The following GPLD1 variants were observed in gnomAD, a reference collection of about 807,000 sequenced individuals.
GPLD1 encodes the protein phosphatidylinositol-glycan-specific phospholipase D.
A neutral mutation model predicts 112.6 loss-of-function variants in GPLD1; 84 were observed. The ratio of observed to expected loss-of-function variants is 0.75; its 90% CI spans 0.63 to 0.89. The LOEUF is 0.89. Ranked by LOEUF, GPLD1 falls within the 40% of genes least tolerant of loss-of-function variation. GPLD1 has a pLI of 0.00. For missense variants in GPLD1, 1,044 were observed against 1,051.5 expected (o/e 0.99, Z 0.10); for synonymous variants, 386 against 403.8 (o/e 0.96, Z 0.53).
At chr6:24,476,455 T>C (rs1764022824) in intron 3 of GPLD1, among the ~76,000 whole-genome samples, 177 bp from the exon 4 acceptor site, 1 of 152,112 alleles carries the variant, frequency 6.6e-6, no homozygotes. Context: ...AGCTGAGATT[T>C]TGGAATACGC....
downstream of GPLD1, chr6:24,425,497 T>C (rs1762203385): frequency 6.6e-6 from 1 of 152,360 alleles, no homozygotes; most frequent in Non-Finnish European, 1.5e-5. Flanking sequence ...CAAGTATGAT[T>C]TCAAAATATC....
At chr6:24,489,919 A>G (rs2076317), upstream of GPLD1, among the ~76,000 whole-genome samples, 61,255 of 151,948 alleles carry the variant, frequency 0.4, 13,412 homozygotes, top group African/African-American at 0.57. Context: ...TCAACATATT[A>G]GACCACCTCA....
chr6:24,484,209 C>T (rs1047722795), intron 2 of GPLD1, among the ~76,000 whole-genome samples: 1 of 151,818 alleles, frequency 6.6e-6, no homozygotes, highest in Non-Finnish European at 1.5e-5. Flanking sequence ...GCCACCGTGC[C>T]TGGCCCACCA....
chr6:24,426,357 A>T lies in GPLD1; in HGVS notation c.*2675T>A, dbSNP rs1379929778. 6.6e-6 allele frequency among the ~76,000 whole-genome samples: 1 copy of T among 151,664 alleles called. No individual in the cohort carries two copies. The highest frequency in any genetic ancestry group is 1.5e-5 in the Non-Finnish European group (1 of 67,664). ...TAATATATTAGACTGTCATGCATTA[A>T]TTTTTTCCTGTATGCCAGGTTTTTT... On this transcript the variant is annotated 3_prime_UTR_variant, in exon 25 of 25. Coordinates refer to ENST00000230036, the MANE Select transcript of GPLD1 (RefSeq NM_001503.4).
In GPLD1 at chr6:24,440,723, T is replaced by TA. The variant is rs34313464; in HGVS notation, c.2021-3435dup. Reference sequence around the variant, plus strand: ...GGCAACATAGCAAGACTCCAACTATTAAAAAAAAAAAAAAAAGCATAAAGA... The same window carrying TA: ...GGCAACATAGCAAGACTCCAACTATTAAAAAAAAAAAAAAAAAGCATAAAGA... On this transcript the variant is annotated intron_variant, in intron 20 of 24. Transcript: ENST00000230036. Among the ~76,000 whole-genome samples the TA allele has an allele frequency of 9.2e-4, 129 of 139,690 alleles. 1 individual carries two copies. In the Middle Eastern group the frequency reaches 0.011, roughly 12 times the overall value. The allele number at this position is 139,690 out of a possible 152,430, so 91.6% of individuals were successfully genotyped here. A position where few individuals can be genotyped will look rare whatever the true frequency, so the allele number is the denominator to read the frequency against.
Position 24,433,360 on chromosome 6 carries a change from T to C in GPLD1, c.2385+3A>G. The stretch of plus-strand genomic sequence containing the variant: ...TTTCTTCAGTCTTTCAAGGGATACT[T>C]ACTTCAGGAGAAATCAATACATATT... On this transcript the variant is annotated splice_donor_region_variant and intron_variant, in intron 23 of 24. Coordinates refer to ENST00000230036, the MANE Select transcript of GPLD1 (RefSeq NM_001503.4). 1 of 1,608,840 alleles carries C rather than the reference T, an allele frequency of 6.2e-7. No homozygotes were observed. Among genetic ancestry groups the C allele is most frequent in the Non-Finnish European group, 8.5e-7 (1 of 1,175,176 alleles).
rs538857329 is a variant in GPLD1, at chr6:24,430,067, G to C, written c.2437-949C>G. ...AATAATAATAGCTAAAATTTGTGGA[G>C]GTTGTATCATGGGTCAGACACTATG... On this transcript the variant is annotated intron_variant, in intron 24 of 24. Coordinates refer to ENST00000230036, the MANE Select transcript of GPLD1 (RefSeq NM_001503.4). Among the ~76,000 whole-genome samples the C allele has an allele frequency of 1.9e-4, 29 of 152,268 alleles. No homozygotes were observed. The South Asian group carries it at 5.4e-3, about 28-fold the overall frequency.
rs1762270040 is a variant in GPLD1 at position 24,427,376 on chromosome 6, C to G, written c.*1656G>C. Among the ~76,000 whole-genome samples the G allele has an allele frequency of 6.6e-6, 1 of 152,200 alleles. No individual in the cohort carries two copies. Among genetic ancestry groups the G allele is most frequent in the Non-Finnish European group, 1.5e-5 (1 of 68,038 alleles). ...TAGTTCTTTTGGCACAAGTTGTAAC[C>G]TAATGCGACAAAGGTCCCTCATGAG... is the stretch of plus-strand genomic sequence containing the variant. On this transcript the variant is annotated 3_prime_UTR_variant, in exon 25 of 25. Transcript: ENST00000230036.
chr6:24,462,899 G>C (rs1214781213), intron 10 of GPLD1, 104 bp from the exon 11 acceptor site: 1 of 853,850 alleles, frequency 1.2e-6, no homozygotes, highest in African/African-American at 1.6e-5. Context: ...AAGGCTTAAA[G>C]TGTTTATTAC....
chr6:24,431,373 C>T (rs976275469), intron 24 of GPLD1, among the ~76,000 whole-genome samples: 2 of 152,158 alleles, frequency 1.3e-5, no homozygotes, highest in African/African-American at 4.8e-5. Flanking sequence ...TCAGACTACT[C>T]ATTAGCATTT....
intron 7 of GPLD1, among the ~76,000 whole-genome samples, chr6:24,468,751 C>A (rs9467184): frequency 6.6e-6 from 1 of 152,056 alleles, no homozygotes; most frequent in Non-Finnish European, 1.5e-5. Context: ...ACTGAACCTG[C>A]GACCCTGGTG....
intron 12 of GPLD1, among the ~76,000 whole-genome samples, chr6:24,458,536 A>G (rs758432744): frequency 7.9e-5 from 12 of 152,134 alleles, no homozygotes; most frequent in Non-Finnish European, 1.8e-4. Context: ...GACCAGCTAC[A>G]TAATTTAAGG....
At chr6:24,435,774 G>A (rs9467148) in intron 22 of GPLD1, 33,841 of 132,608 alleles carry the variant, frequency 0.26, 4,345 homozygotes, top group African/African-American at 0.29. Flanking sequence ...GCAGTGAGCC[G>A]AGACCGTGCC....
intron 5 of GPLD1, among the ~76,000 whole-genome samples, chr6:24,474,206 C>CACACACACAT (rs1386205113): frequency 3.0e-4 from 36 of 120,730 alleles, no homozygotes; most frequent in African/African-American, 8.7e-4. Context: ...CACACACACA[C>CACACACACAT]ATATATATGC....
At position 24,466,905 on chromosome 6, in the gene GPLD1, C is replaced by T. The variant is rs764869474; in HGVS notation, c.681+7G>A. ...TCCTTTAAGATTTGGAAGAATGACG[C>T]CTTTACCTTGGAAACAGCTAGCATC... On this transcript the variant is annotated splice_region_variant and intron_variant, in intron 9 of 24. Transcript: ENST00000230036. The T allele has an allele frequency of 6.2e-7, 1 of 1,609,120 alleles. No individual in the cohort carries two copies. Among genetic ancestry groups the T allele is most frequent in the Non-Finnish European group, 8.5e-7 (1 of 1,175,518 alleles).
At chr6:24,433,888 G>A (rs1034998384) in intron 22 of GPLD1, among the ~76,000 whole-genome samples, 1 of 152,022 alleles carries the variant, frequency 6.6e-6, no homozygotes, top group Non-Finnish European at 1.5e-5. Context: ...AAAATAACCA[G>A]ATGTATAAAA....
In GPLD1 at chr6:24,494,991, C is replaced by G. The variant is rs779336000; in HGVS notation, n.215G>C. The G allele has an allele frequency of 2.3e-6, 3 of 1,314,534 alleles. 1 individual carries two copies. In the Admixed American group the frequency reaches 9.3e-5, roughly 41 times the overall value. 81.4% of individuals were successfully genotyped at this position (1,314,534 alleles called of 1,614,324 possible). A position where few individuals can be genotyped will look rare whatever the true frequency, so the allele number is the denominator to read the frequency against. ...CCTGTTTCCTGTCGCCGTCGTTGCC[C>G]GGGCCATGGCGACCTGCATTTGGCT... On this transcript the variant is annotated non_coding_transcript_exon_variant, in exon 1 of 11. Coordinates refer to the GPLD1 transcript ENST00000474784.
intron 10 of GPLD1, among the ~76,000 whole-genome samples, chr6:24,463,618 T>A (rs372668078): frequency 6.6e-6 from 1 of 152,340 alleles, no homozygotes; most frequent in South Asian, 2.1e-4. Flanking sequence ...ATTAGCACTA[T>A]ACTTTCAAAT....
At chr6:24,432,314 T>C (rs1413640015) in intron 24 of GPLD1, among the ~76,000 whole-genome samples, 1 of 150,464 alleles carries the variant, frequency 6.6e-6, no homozygotes, top group Admixed American at 6.6e-5. Context: ...AGAAAAACTC[T>C]GGGCCGGGTG....
Sources: gnomAD v4.1 joint callset for allele counts (sites outside exome capture counted in the v4.1 genomes callset) on GRCh38, gnomAD v4.1.1 for gene constraint, MANE v1.5 for transcripts, NCBI Gene and HGNC (gene_info 2026-07-23, HGNC 2026-07-21) for gene names.